AGBL4: variants seen among roughly 807,000 people sequenced by gnomAD.
AGBL4 encodes the protein AGBL carboxypeptidase 4.
AGBL4 carries 58 observed loss-of-function variants against 66.4 expected under a neutral mutation model. The observed-to-expected ratio is 0.87, with a 90% CI of 0.71 to 1.09. AGBL4 has a LOEUF of 1.09. Ranked by LOEUF, AGBL4 falls within the 50% of genes least tolerant of loss-of-function variation. The pLI is 0.00. For missense variants in AGBL4, 579 were observed against 631.0 expected, an observed-to-expected ratio of 0.92 and a Z score of 0.88; for synonymous variants, 234 against 222.9, an observed-to-expected ratio of 1.05 and a Z score of -0.44.
chr1:50,019,302 T>TCACACACACACACA (rs1293363873), intron 1 of AGBL4, among the ~76,000 whole-genome samples: 1 of 70,824 alleles, frequency 1.4e-5, no homozygotes, highest in African/African-American at 5.4e-5. Flanking sequence ...TCTCTCTCTC[T>TCACACACACACACA]CTCTCACACA....
At chr1:48,966,262 C>A (rs1293989917) in intron 5 of AGBL4, among the ~76,000 whole-genome samples, 2 of 152,018 alleles carry the variant, frequency 1.3e-5, no homozygotes, top group Non-Finnish European at 2.9e-5. Context: ...GGTAACGAGG[C>A]GTGATGCATT....
intron 3 of AGBL4, among the ~76,000 whole-genome samples, chr1:49,526,990 T>C (rs1162093258): frequency 6.6e-6 from 1 of 152,146 alleles, no homozygotes; most frequent in East Asian, 1.9e-4. Flanking sequence ...AAAGCAAACA[T>C]TAGGTTGATG....
At chr1:49,978,886 G>C (rs1658809179) in intron 1 of AGBL4, among the ~76,000 whole-genome samples, 1 of 152,124 alleles carries the variant, frequency 6.6e-6, no homozygotes, top group Non-Finnish European at 1.5e-5. Flanking sequence ...CCATTAGAAA[G>C]CTCAAAAAAT....
chr1:49,424,533 A>AC (rs1386792388), intron 3 of AGBL4, among the ~76,000 whole-genome samples: 1 of 152,188 alleles, frequency 6.6e-6, no homozygotes, highest in African/African-American at 2.4e-5. Context: ...CAACAGACTA[A>AC]CATTTGAAAT....
At chr1:49,930,569 A>G (rs1653234257) in intron 1 of AGBL4, among the ~76,000 whole-genome samples, 1 of 152,152 alleles carries the variant, frequency 6.6e-6, no homozygotes, top group African/African-American at 2.4e-5. Flanking sequence ...ACACAAAAAA[A>G]CACATGATGT....
At chr1:49,587,065 G>A (rs976718190) in intron 3 of AGBL4, among the ~76,000 whole-genome samples, 4 of 152,022 alleles carry the variant, frequency 2.6e-5, no homozygotes, top group Non-Finnish European at 4.4e-5. Flanking sequence ...CCAAAATGGT[G>A]AATCCTCGTC....
intron 1 of AGBL4, among the ~76,000 whole-genome samples, chr1:49,939,814 C>G (rs1293240445): frequency 6.6e-6 from 1 of 152,108 alleles, no homozygotes; most frequent in Admixed American, 6.5e-5. Flanking sequence ...GTCTAAAACA[C>G]CAAAAGCAAT....
chr1:49,566,366 G>A (rs1473192412), intron 3 of AGBL4, among the ~76,000 whole-genome samples: 2 of 152,188 alleles, frequency 1.3e-5, no homozygotes, highest in East Asian at 3.8e-4. Flanking sequence ...TTTGGAGGAG[G>A]AGAGGCGCTC....
intron 3 of AGBL4, among the ~76,000 whole-genome samples, chr1:49,276,224 G>C (rs558552588): frequency 6.6e-6 from 1 of 152,104 alleles, no homozygotes; most frequent in South Asian, 2.1e-4. Flanking sequence ...TCATGACTAA[G>C]AGACTGATTT....
In AGBL4 at chr1:49,245,650, T is replaced by C. The variant is rs374175200; in HGVS notation, c.377+120A>G. ...GATAAACTAGAGTTCTGGGTAAAATTTTCTTTTAAAAATTTTTATTTTTAA... is the reference window on the plus strand; with the variant it reads ...GATAAACTAGAGTTCTGGGTAAAATCTTCTTTTAAAAATTTTTATTTTTAA... On this transcript the variant is annotated intron_variant, in intron 4 of 13. Coordinates refer to ENST00000371839, the MANE Select transcript of AGBL4 (RefSeq NM_032785.4). 5.6e-4 allele frequency: 357 copies of C among 635,180 alleles called. 7 individuals are homozygous for C. The South Asian group carries it at 7.8e-3, about 14-fold the overall frequency. The allele number at this position is 635,180 out of a possible 1,614,324, so 39.3% of individuals were successfully genotyped here.
intron 6 of AGBL4, among the ~76,000 whole-genome samples, chr1:48,664,093 C>T (rs1470989061): frequency 6.6e-6 from 1 of 152,126 alleles, no homozygotes; most frequent in Non-Finnish European, 1.5e-5. Context: ...TGGCTTTTTG[C>T]CTGATGATCC....
At chr1:49,467,113 G>C (rs1031211307) in intron 3 of AGBL4, among the ~76,000 whole-genome samples, 1 of 151,808 alleles carries the variant, frequency 6.6e-6, no homozygotes, top group African/African-American at 2.4e-5. Flanking sequence ...GGTTGAATTG[G>C]GAAGGCAGCC....
At chr1:49,043,777 A>G (rs1431777752) in intron 5 of AGBL4, among the ~76,000 whole-genome samples, 1 of 152,206 alleles carries the variant, frequency 6.6e-6, no homozygotes, top group Non-Finnish European at 1.5e-5. Context: ...CATAGTGCAC[A>G]CAGAATCTCA....
At chr1:49,776,588 T>C (rs574746598) in intron 2 of AGBL4, among the ~76,000 whole-genome samples, 14 of 152,212 alleles carry the variant, frequency 9.2e-5, no homozygotes, top group African/African-American at 3.4e-4. Context: ...GCTTTTTTTA[T>C]GTTTTTCCCT....
At chr1:49,114,552 A>G (rs1645476877) in intron 4 of AGBL4, among the ~76,000 whole-genome samples, 1 of 152,248 alleles carries the variant, frequency 6.6e-6, no homozygotes, top group Admixed American at 6.5e-5. Flanking sequence ...TTGCATAAAC[A>G]ACATGACTGT....
chr1:48,716,023 C>G (rs998441193), intron 6 of AGBL4, among the ~76,000 whole-genome samples: 4 of 152,194 alleles, frequency 2.6e-5, no homozygotes, highest in African/African-American at 9.7e-5. Context: ...CCATGATTTG[C>G]TTCTAACTTG....
intron 11 of AGBL4, among the ~76,000 whole-genome samples, chr1:48,551,495 G>A (rs1489292745): frequency 2.6e-5 from 4 of 152,144 alleles, no homozygotes; most frequent in African/African-American, 9.7e-5. Context: ...ACAAGAGTGT[G>A]TCACATTCAC....
intron 6 of AGBL4, among the ~76,000 whole-genome samples, chr1:48,783,489 G>A (rs1443632833): frequency 3.3e-5 from 5 of 152,130 alleles, no homozygotes; most frequent in South Asian, 2.1e-4. Flanking sequence ...AACTTGTCAT[G>A]TAGATGACAG....
chr1:49,311,897 A>G (rs1039865299), intron 3 of AGBL4, among the ~76,000 whole-genome samples: 4 of 152,100 alleles, frequency 2.6e-5, no homozygotes, highest in African/African-American at 9.6e-5. Flanking sequence ...TATTGGTACA[A>G]AAATAGCTAT....
Sources: gnomAD v4.1 joint callset for allele counts (sites outside exome capture counted in the v4.1 genomes callset) on GRCh38, gnomAD v4.1.1 for gene constraint, MANE v1.5 for transcripts, NCBI Gene and HGNC (gene_info 2026-07-23, HGNC 2026-07-21) for gene names.